UBE3D: variants seen among roughly 807,000 people sequenced by gnomAD.
UBE3D encodes ubiquitin protein ligase E3D, also known as E3 ubiquitin-protein ligase E3D.
UBE3D carries 48 observed loss-of-function variants against 49.6 expected under a neutral mutation model. The observed-to-expected ratio is 0.97, with a 90% CI of 0.77 to 1.23. The LOEUF (loss-of-function observed/expected upper bound fraction) is 1.23, where lower values mean the gene tolerates loss of function less well. UBE3D is among the 50% of genes most tolerant of loss of function. The pLI is 0.00. For synonymous variants in UBE3D, 189 were observed against 174.2 expected, an observed-to-expected ratio of 1.08 and a Z score of -0.67; for missense variants, 452 against 468.4, an observed-to-expected ratio of 0.96 and a Z score of 0.32.
At chr6:82,986,741 T>C (rs994590052) in intron 8 of UBE3D, among the ~76,000 whole-genome samples, 2 of 148,364 alleles carry the variant, frequency 1.3e-5, no homozygotes, top group African/African-American at 2.4e-5. Context: ...CCATTATACA[T>C]ATATATGTAT....
At chr6:82,946,543 T>C (rs1582430809) in intron 9 of UBE3D, among the ~76,000 whole-genome samples, 1 of 152,082 alleles carries the variant, frequency 6.6e-6, no homozygotes, top group Non-Finnish European at 1.5e-5. Flanking sequence ...AGAATGTTCA[T>C]GAGCAATAAG....
At chr6:83,051,059 A>G (rs997977713) in intron 3 of UBE3D, among the ~76,000 whole-genome samples, 8 of 152,250 alleles carry the variant, frequency 5.3e-5, no homozygotes, top group African/African-American at 1.9e-4. Context: ...TAGTTTGCTA[A>G]TAAGAGCAAT....
intron 9 of UBE3D, among the ~76,000 whole-genome samples, chr6:82,917,038 G>C (rs890142546): frequency 3.3e-5 from 5 of 152,068 alleles, no homozygotes; most frequent in African/African-American, 9.7e-5. Context: ...AAAAGCTAAG[G>C]TTCTGCCTCC....
chr6:82,928,261 A>G (rs1773901543), intron 9 of UBE3D, among the ~76,000 whole-genome samples: 1 of 152,050 alleles, frequency 6.6e-6, no homozygotes, highest in Non-Finnish European at 1.5e-5. Flanking sequence ...ACCGCATATG[A>G]ATGGCTTTCA....
chr6:82,907,972 G>A (rs1329743501), intron 9 of UBE3D, among the ~76,000 whole-genome samples: 1 of 152,010 alleles, frequency 6.6e-6, no homozygotes, highest in African/African-American at 2.4e-5. Flanking sequence ...AACAAATTGT[G>A]GCATATTTAT....
At chr6:82,922,108 A>G (rs1773389234) in intron 9 of UBE3D, among the ~76,000 whole-genome samples, 1 of 143,020 alleles carries the variant, frequency 7.0e-6, no homozygotes, top group African/African-American at 2.6e-5. Flanking sequence ...GTTGTAGCAG[A>G]CATAAAAGGC....
chr6:83,039,574 G>A (rs993044686), intron 4 of UBE3D, among the ~76,000 whole-genome samples: 1 of 152,050 alleles, frequency 6.6e-6, no homozygotes, highest in Non-Finnish European at 1.5e-5. Flanking sequence ...CAGCTCATGT[G>A]CCCCATTAGT....
chr6:82,997,053 A>G (rs1779293511), intron 8 of UBE3D, among the ~76,000 whole-genome samples: 1 of 152,198 alleles, frequency 6.6e-6, no homozygotes, highest in Non-Finnish European at 1.5e-5. Flanking sequence ...GTACACAGGA[A>G]CAATCTGTAC....
chr6:82,906,604 T>A (rs888078093), intron 9 of UBE3D, among the ~76,000 whole-genome samples: 2 of 152,176 alleles, frequency 1.3e-5, no homozygotes, highest in African/African-American at 4.8e-5. Flanking sequence ...AGAAACATGG[T>A]TCCTTTTAGT....
At chr6:82,966,178 C>A (rs551767326) in intron 8 of UBE3D, among the ~76,000 whole-genome samples, 1 of 151,990 alleles carries the variant, frequency 6.6e-6, no homozygotes, top group South Asian at 2.1e-4. Flanking sequence ...TTGTTTGATT[C>A]CATTTATATA....
At chr6:82,924,797 A>T (rs1773622569) in intron 9 of UBE3D, 1 of 152,186 alleles carries the variant, frequency 6.6e-6, no homozygotes. Context: ...TGGAAAATGC[A>T]TAGTATTTAT....
At chr6:82,944,198 C>A (rs753159846) in intron 9 of UBE3D, among the ~76,000 whole-genome samples, 2 of 152,154 alleles carry the variant, frequency 1.3e-5, no homozygotes, top group Non-Finnish European at 2.9e-5. Context: ...CAAAAGAGAC[C>A]CCTTCCTTTC....
At chr6:83,051,865 C>T (rs561308335) in intron 3 of UBE3D, among the ~76,000 whole-genome samples, 1 of 152,186 alleles carries the variant, frequency 6.6e-6, no homozygotes, top group Non-Finnish European at 1.5e-5. Flanking sequence ...TAACTCTGTG[C>T]CATCTCATCT....
At chr6:83,014,554 C>G (rs1035941671) in intron 8 of UBE3D, among the ~76,000 whole-genome samples, 5 of 152,174 alleles carry the variant, frequency 3.3e-5, no homozygotes, top group African/African-American at 1.2e-4. Flanking sequence ...AATTACCTGA[C>G]CTCCATAAAC....
chr6:82,931,562 G>A (rs187136768), intron 9 of UBE3D, among the ~76,000 whole-genome samples: 144 of 152,334 alleles, frequency 9.5e-4, no homozygotes, highest in African/African-American at 3.0e-3. Flanking sequence ...GCATGACCTG[G>A]ATGTGAGACA....
intron 9 of UBE3D, among the ~76,000 whole-genome samples, chr6:82,956,999 T>C (rs1037272527): frequency 6.6e-6 from 1 of 151,836 alleles, no homozygotes; most frequent in Non-Finnish European, 1.5e-5. Context: ...TGTGGTGGCA[T>C]GCACCTGTAG....
In UBE3D at chr6:83,065,656, C is replaced by T. The variant is rs1228167180; in HGVS notation, c.63G>A (p.Ala21=). The change falls in exon 1 of 10, where the codon GCG becomes GCA. Residue 21 remains alanine (A), a synonymous_variant. Coordinates refer to ENST00000369747, the MANE Select transcript of UBE3D (RefSeq NM_198920.3). The stretch of plus-strand genomic sequence containing the variant: ...CCAGTTCTTACCCCAGGATCAGAAG[C>T]GCGCTCTGCAGCTGTCCCCGCACCT... ...FLEVRGQLQS[A]LLILGEPKEG... 6.2e-6 allele frequency: 10 copies of T among 1,613,772 alleles called. No homozygotes were observed. The highest frequency in any genetic ancestry group is 8.5e-6 in the Non-Finnish European group (10 of 1,179,892).
intron 9 of UBE3D, among the ~76,000 whole-genome samples, chr6:82,913,716 A>G (rs184421520): frequency 7.2e-5 from 11 of 152,346 alleles, no homozygotes; most frequent in Admixed American, 2.0e-4. Flanking sequence ...TGTGAGGAAG[A>G]GGACTGGATA....
At position 83,057,878 on chromosome 6, in the gene UBE3D, A is replaced by G; in HGVS notation, c.222T>C (p.Val74=). 1 of 1,614,168 alleles carries G rather than the reference A, an allele frequency of 6.2e-7. No homozygotes were observed. The highest frequency in any genetic ancestry group is 1.7e-5 in the Admixed American group (1 of 60,020). ...GTCGCAGGTGCAGTCCATCTCCAACAACAAACTGTAGCCCACGGCAAGAGG... is the reference window on the plus strand; with the variant it reads ...GTCGCAGGTGCAGTCCATCTCCAACGACAAACTGTAGCCCACGGCAAGAGG... ...VPSSCRGLQF[V]VGDGLHLRLQ... Residue 74 remains valine, a synonymous_variant, in exon 2 of 10, where the codon GTT becomes GTC. Coordinates refer to ENST00000369747, the MANE Select transcript of UBE3D (RefSeq NM_198920.3).
Sources: allele counts gnomAD v4.1 joint callset (sites outside exome capture counted in the v4.1 genomes callset), GRCh38; gene constraint gnomAD v4.1.1; transcripts MANE v1.5; gene names NCBI Gene and HGNC (gene_info 2026-07-23, HGNC 2026-07-21).